HERPUD2: variants seen among roughly 807,000 people sequenced by gnomAD.
HERPUD2 encodes the protein HERPUD family member 2, also known as homocysteine-responsive endoplasmic reticulum-resident ubiquitin-like domain member 2 protein.
A neutral mutation model predicts 49.9 loss-of-function variants in HERPUD2; 13 were observed. The ratio of observed to expected loss-of-function variants is 0.26; its 90% CI spans 0.17 to 0.41. The LOEUF is 0.41. HERPUD2 is among the 10% of genes least tolerant of loss of function. The pLI, the probability that HERPUD2 is intolerant of heterozygous loss-of-function variation, is 1.00. For missense variants in HERPUD2, 449 were observed against 492.2 expected (o/e 0.91, Z 0.83); for synonymous variants, 172 against 171.4 (o/e 1.00, Z -0.03).
At position 35,635,150 on chromosome 7, in the gene HERPUD2, A is replaced by G; in HGVS notation, c.926T>C (p.Met309Thr). ...FSRFIMVMGA[M>T]LLVYLHQAGW... ...CATCACTCACAAATAAACCAGTAGC[A>G]TGGCTCCCATTACCATGATAAACCG... Residue 309 changes from methionine to threonine, a missense_variant, in exon 7 of 9, where the codon ATG (methionine) becomes ACG (threonine). By Grantham distance (81) the Met-to-Thr change is moderately conservative. Coordinates refer to ENST00000311350, the MANE Select transcript of HERPUD2 (RefSeq NM_022373.5). The G allele has an allele frequency of 1.2e-6, 2 of 1,613,144 alleles. No homozygotes were observed. Among genetic ancestry groups the G allele is most frequent in the Non-Finnish European group, 1.7e-6 (2 of 1,179,084 alleles).
rs762318977 is a variant in HERPUD2, at chr7:35,635,215, C to T, written c.861G>A (p.Ala287=). 44 of 1,613,994 alleles carry T rather than the reference C, an allele frequency of 2.7e-5. No homozygotes were observed. The highest frequency in any genetic ancestry group is 3.6e-5 in the Non-Finnish European group (43 of 1,179,970). ...LDWMYTFSRA[A]ILLSIVYFYS... The stretch of plus-strand genomic sequence containing the variant: ...AGAAGTATACAATGCTAAGGAGAAT[C>T]GCAGCTCGTGAGAACGTGTACATCC... Residue 287 remains alanine (A), a synonymous_variant, in exon 7 of 9, where the codon GCG becomes GCA. Transcript: ENST00000311350.
Position 35,638,279 on chromosome 7 carries a change from A to C in HERPUD2, c.617+71T>G. The C allele has an allele frequency of 2.8e-6, 4 of 1,414,124 alleles. No individual in the cohort carries two copies. In the South Asian group the frequency reaches 5.7e-5, roughly 20 times the overall value. The allele number at this position is 1,414,124 out of a possible 1,614,324, so 87.6% of individuals were successfully genotyped here. ...AACAAATGAAATGCCAAATCAACTT[A>C]CTTAGGATAAAAAGAAAATAAAGCA... On this transcript the variant is annotated intron_variant, in intron 6 of 8. Coordinates refer to ENST00000311350, the MANE Select transcript of HERPUD2 (RefSeq NM_022373.5).
intron 2 of HERPUD2, among the ~76,000 whole-genome samples, chr7:35,673,935 T>C (rs1162337510): frequency 6.6e-6 from 1 of 152,156 alleles, no homozygotes; most frequent in East Asian, 1.9e-4. Context: ...GCCATCTCTA[T>C]ACGCAACCAG....
chr7:35,641,955 T>A (rs946475558), intron 5 of HERPUD2, among the ~76,000 whole-genome samples: 1 of 152,060 alleles, frequency 6.6e-6, no homozygotes, highest in African/African-American at 2.4e-5. Context: ...AAAGCAAAAA[T>A]TGACACATGG....
chr7:35,683,954 C>T (rs994195685), intron 2 of HERPUD2, among the ~76,000 whole-genome samples: 1 of 152,156 alleles, frequency 6.6e-6, no homozygotes, highest in African/African-American at 2.4e-5. Flanking sequence ...TTGTACAATG[C>T]TGGTGGGAAT....
rs201529201 is a variant in HERPUD2 at position 35,637,160 on chromosome 7, A to AAGATAGAT, written c.617+1182_617+1189dup. ...AAAAAAAGAAAGAAAGAAAGAAAGA[A>AAGATAGAT]AGATAGATAGATAGATAGATAGATA... On this transcript the variant is annotated intron_variant, in intron 6 of 8. Coordinates refer to ENST00000311350, the MANE Select transcript of HERPUD2 (RefSeq NM_022373.5). Among the ~76,000 whole-genome samples the AAGATAGAT allele has an allele frequency of 5.4e-3, 776 of 144,166 alleles. 4 individuals carry two copies. The highest frequency in any genetic ancestry group is 0.01 in the East Asian group (49 of 4,872). 94.6% of individuals were successfully genotyped at this position (144,166 alleles called of 152,430 possible).
At chr7:35,648,848 T>C (rs1300276508) in intron 5 of HERPUD2, among the ~76,000 whole-genome samples, 1 of 152,250 alleles carries the variant, frequency 6.6e-6, no homozygotes, top group African/African-American at 2.4e-5. Flanking sequence ...TGTAAGCCAC[T>C]GATATTTTGA....
rs1786134273 is a variant in HERPUD2, at chr7:35,689,400, T to C, written c.147+4784A>G. Among the ~76,000 whole-genome samples the C allele has an allele frequency of 3.3e-5, 5 of 152,320 alleles. No individual in the cohort carries two copies. In the South Asian group the frequency reaches 1.0e-3, roughly 32 times the overall value. ...ATAGTTTTATAAAACAAAAATTATT[T>C]TGTTTATGGATTATAGCCCCTTTAA... On this transcript the variant is annotated intron_variant, in intron 2 of 8. Coordinates refer to ENST00000311350, the MANE Select transcript of HERPUD2 (RefSeq NM_022373.5).
intron 2 of HERPUD2, among the ~76,000 whole-genome samples, chr7:35,687,059 C>G (rs913381813): frequency 1.3e-5 from 2 of 151,540 alleles, no homozygotes; most frequent in Non-Finnish European, 2.9e-5. Flanking sequence ...GACTCTGTCT[C>G]AAAAAAGCAA....
chr7:35,653,955 C>T (rs912069010), intron 5 of HERPUD2, among the ~76,000 whole-genome samples: 1 of 152,104 alleles, frequency 6.6e-6, no homozygotes, highest in Non-Finnish European at 1.5e-5. Flanking sequence ...GGATCACACA[C>T]CACACTCCAG....
intron 5 of HERPUD2, among the ~76,000 whole-genome samples, chr7:35,666,760 C>T (rs1404555109): frequency 1.3e-5 from 2 of 152,172 alleles, no homozygotes; most frequent in East Asian, 1.9e-4. Flanking sequence ...AAGGGGCCTG[C>T]TGTAATTGCT....
In HERPUD2 at chr7:35,694,377, CA is replaced by C. The variant is rs1365910110; in HGVS notation, c.-48del. 1 of 1,610,602 alleles carries C rather than the reference CA, an allele frequency of 6.2e-7. No individual in the cohort carries two copies. The highest frequency in any genetic ancestry group is 8.5e-7 in the Non-Finnish European group (1 of 1,177,328). On this transcript the variant is annotated 5_prime_UTR_variant, in exon 2 of 9. Coordinates refer to ENST00000311350, the MANE Select transcript of HERPUD2 (RefSeq NM_022373.5). ...AGTCCAGAGGAGCGGCAGTTAAGCC[CA>C]AAAGAGCCGAGATGGTCACCGCCGG...
chr7:35,651,707 G>A (rs1360769665), intron 5 of HERPUD2, among the ~76,000 whole-genome samples: 1 of 151,788 alleles, frequency 6.6e-6, no homozygotes, highest in Non-Finnish European at 1.5e-5. Flanking sequence ...CCAAAAGGAC[G>A]TAATTCTCCA....
intron 8 of HERPUD2, 102 bp from the exon 9 acceptor site, chr7:35,633,953 G>T: frequency 8.3e-7 from 1 of 1,204,540 alleles, no homozygotes. Context: ...ACTATGAAGT[G>T]GTATGTATGT....
At chr7:35,637,370 T>C (rs956506316) in intron 6 of HERPUD2, among the ~76,000 whole-genome samples, 2 of 152,186 alleles carry the variant, frequency 1.3e-5, no homozygotes, top group African/African-American at 4.8e-5. Flanking sequence ...CATAAAATAC[T>C]GCTTTCAGGA....
chr7:35,661,538 C>A (rs1785422346), intron 5 of HERPUD2, among the ~76,000 whole-genome samples: 2 of 152,210 alleles, frequency 1.3e-5, no homozygotes, highest in East Asian at 3.8e-4. Flanking sequence ...TTTGTGTCCT[C>A]TTTTATTTCG....
intron 5 of HERPUD2, among the ~76,000 whole-genome samples, chr7:35,651,704 G>C (rs762280954): frequency 1.8e-4 from 28 of 151,796 alleles, no homozygotes; most frequent in Middle Eastern, 3.4e-3. Context: ...CTTCCAAAAG[G>C]ACGTAATTCT....
intron 5 of HERPUD2, among the ~76,000 whole-genome samples, chr7:35,650,262 G>C (rs1485836871): frequency 2.0e-5 from 3 of 152,152 alleles, no homozygotes; most frequent in Admixed American, 2.0e-4. Flanking sequence ...AGGGAAGCAA[G>C]GCAGCCTGCT....
At chr7:35,662,555 C>T (rs1454928044) in intron 5 of HERPUD2, among the ~76,000 whole-genome samples, 3 of 152,056 alleles carry the variant, frequency 2.0e-5, no homozygotes, top group African/African-American at 7.2e-5. Flanking sequence ...TTTCAGAACC[C>T]GTTATTGGTC....
Sources: allele counts gnomAD v4.1 joint callset (sites outside exome capture counted in the v4.1 genomes callset), GRCh38; gene constraint gnomAD v4.1.1; transcripts MANE v1.5; gene names NCBI Gene and HGNC (gene_info 2026-07-23, HGNC 2026-07-21).